The following LRRC59 variants were observed in gnomAD, a reference collection of about 807,000 sequenced individuals.
The protein encoded by LRRC59 is leucine rich repeat containing 59.
LRRC59 carries 18 observed loss-of-function variants against 33.5 expected under a neutral mutation model. The observed-to-expected ratio is 0.54, with a 90% CI of 0.37 to 0.80. The LOEUF (loss-of-function observed/expected upper bound fraction) is 0.80. LRRC59 is among the 30% of genes least tolerant of loss of function. The pLI is 0.00. For missense variants in LRRC59, 330 were observed against 391.9 expected, an observed-to-expected ratio of 0.84 and a Z score of 1.33; for synonymous variants, 138 against 160.0, an observed-to-expected ratio of 0.86 and a Z score of 1.04.
intron 4 of LRRC59, 127 bp from the exon 5 acceptor site, chr17:50,388,259 C>T: frequency 2.3e-6 from 2 of 864,740 alleles, no homozygotes. Flanking sequence ...AAGAGTTAGG[C>T]TGAATGTGGT....
At chr17:50,395,356 CAA>C (rs11405361) in intron 1 of LRRC59, among the ~76,000 whole-genome samples, 4 of 127,078 alleles carry the variant, frequency 3.1e-5, no homozygotes, top group Non-Finnish European at 3.3e-5. Flanking sequence ...GACCCCATCT[CAA>C]AAAAAAAAAA....
Position 50,388,152 on chromosome 17 carries a change from A to C in LRRC59, c.430-20T>G, listed in dbSNP as rs745460910. On this transcript the variant is annotated intron_variant, in intron 4 of 6. Transcript: ENST00000225972. ...TAACACCTGCAAAGGAAAAGGAGGA[A>C]AGTAGTGCTCTTCATAGTCATGTTT... The C allele has an allele frequency of 1.2e-6, 2 of 1,610,824 alleles. No individual in the cohort carries two copies. Among genetic ancestry groups the C allele is most frequent in the Middle Eastern group, 1.7e-4 (1 of 6,060 alleles).
chr17:50,384,241 T>C (rs1370578664), intron 6 of LRRC59, among the ~76,000 whole-genome samples: 1 of 152,110 alleles, frequency 6.6e-6, no homozygotes, highest in African/African-American at 2.4e-5. Context: ...GGGGTCTCAC[T>C]GTTGCCCAGG....
chr17:50,382,870 G>A lies in LRRC59; in HGVS notation c.*118C>T. ...AAGAGGAGGTCTCATGTACCAATCT[G>A]CAGCCATTTGATGATGGCAGGTAGG... is the stretch of plus-strand genomic sequence containing the variant. On this transcript the variant is annotated 3_prime_UTR_variant, in exon 7 of 7. Coordinates refer to ENST00000225972, the MANE Select transcript of LRRC59 (RefSeq NM_018509.4). 1 of 1,284,218 alleles carries A rather than the reference G, an allele frequency of 7.8e-7. No homozygotes were observed. Among genetic ancestry groups the A allele is most frequent in the Non-Finnish European group, 1.1e-6 (1 of 933,590 alleles). 79.6% of individuals were successfully genotyped at this position (1,284,218 alleles called of 1,614,324 possible).
chr17:50,385,050 C>G (rs2143354700), intron 6 of LRRC59, 68 bp downstream of exon 6: 1 of 1,546,182 alleles, frequency 6.5e-7, no homozygotes, highest in East Asian at 2.3e-5. Context: ...CCCCAGTTGT[C>G]TATGCCTGGA....
intron 4 of LRRC59, among the ~76,000 whole-genome samples, chr17:50,391,837 C>A (rs143961392): frequency 1.3e-5 from 2 of 152,214 alleles, no homozygotes; most frequent in Admixed American, 1.3e-4. Context: ...TGTTGCATCA[C>A]GCAAGGTCCC....
chr17:50,392,978 T>C, intron 2 of LRRC59, 81 bp from the exon 3 acceptor site: 1 of 1,346,832 alleles, frequency 7.4e-7, no homozygotes, highest in South Asian at 1.3e-5. Context: ...CAATACAAAT[T>C]TGTAACCTTT....
chr17:50,386,747 A>C (rs1914014041), intron 5 of LRRC59, among the ~76,000 whole-genome samples: 1 of 152,186 alleles, frequency 6.6e-6, no homozygotes, highest in Non-Finnish European at 1.5e-5. Context: ...GACTGCCTGT[A>C]ATCAGTACTG....
Position 50,382,775 on chromosome 17 carries a change from C to T in LRRC59, c.*213G>A. On this transcript the variant is annotated 3_prime_UTR_variant, in exon 7 of 7. Coordinates refer to ENST00000225972, the MANE Select transcript of LRRC59 (RefSeq NM_018509.4). ...GGCATGCAGGTAACTGCCCCCCACG[C>T]CCCCCCGCCACCTCCCATTTCTCCT... The T allele has an allele frequency of 3.4e-6, 2 of 581,360 alleles. No individual in the cohort carries two copies. Among genetic ancestry groups the T allele is most frequent in the Non-Finnish European group, 5.8e-6 (2 of 346,128 alleles). 36.0% of individuals were successfully genotyped at this position (581,360 alleles called of 1,614,324 possible).
In LRRC59 at chr17:50,383,175, G is replaced by C; in HGVS notation, c.737C>G (p.Ala246Gly). Residue 246 changes from alanine to glycine, a missense_variant, in exon 7 of 7, where the codon GCT becomes GGT. Physicochemically the swap from Ala to Gly is moderately conservative, Grantham distance 60. Transcript: ENST00000225972. ...CAGCAGCAGCAGCAGCTTCAGCACA[G>C]CCCAGGAACGAGTGTGCTTCCGGGG... ...PPPRKHTRSW[A>G]VLKLLLLLLL... The C allele has an allele frequency of 6.4e-7, 1 of 1,565,730 alleles. No individual in the cohort carries two copies. The highest frequency in any genetic ancestry group is 8.7e-7 in the Non-Finnish European group (1 of 1,155,038).
chr17:50,388,267 G>C, intron 4 of LRRC59, 135 bp from the exon 5 acceptor site: 1 of 786,356 alleles, frequency 1.3e-6, no homozygotes, highest in Middle Eastern at 2.3e-4. Flanking sequence ...GGCTGAATGT[G>C]GTGGCTCACG....
intron 4 of LRRC59, among the ~76,000 whole-genome samples, chr17:50,389,825 G>T (rs944605824): frequency 6.6e-6 from 1 of 152,132 alleles, no homozygotes; most frequent in Non-Finnish European, 1.5e-5. Flanking sequence ...GGCCAGGCGC[G>T]GTGGCTCACA....
At chr17:50,385,980 T>C (rs1441503125) in intron 5 of LRRC59, among the ~76,000 whole-genome samples, 1 of 152,048 alleles carries the variant, frequency 6.6e-6, no homozygotes, top group Non-Finnish European at 1.5e-5. Flanking sequence ...TCTATTGAGC[T>C]CAGGAAGTGG....
chr17:50,391,125 T>C (rs1703103575), intron 4 of LRRC59, among the ~76,000 whole-genome samples: 1 of 152,176 alleles, frequency 6.6e-6, no homozygotes, highest in East Asian at 1.9e-4. Context: ...ATGGAAAGCA[T>C]CCAGGACAAG....
chr17:50,394,880 A>T, intron 2 of LRRC59, 49 bp downstream of exon 2: 5 of 1,049,656 alleles, frequency 4.8e-6, no homozygotes, highest in Non-Finnish European at 7.1e-6. Flanking sequence ...AACAGGAAGG[A>T]GATGCATCCA....
intron 4 of LRRC59, among the ~76,000 whole-genome samples, chr17:50,390,130 A>C (rs1309490879): frequency 6.6e-6 from 1 of 151,300 alleles, no homozygotes; most frequent in Non-Finnish European, 1.5e-5. Context: ...AAAGGAAAGA[A>C]ATCAGGTCTG....
At chr17:50,388,199 C>A in intron 4 of LRRC59, 67 bp from the exon 5 acceptor site, 2 of 1,441,490 alleles carry the variant, frequency 1.4e-6, no homozygotes, top group Non-Finnish European at 2.0e-6. Flanking sequence ...TCTCAAAAAA[C>A]AGACTATTTT....
rs372901496 is a variant in LRRC59, at chr17:50,392,941, C to G, written c.166-44G>C. The stretch of plus-strand genomic sequence containing the variant: ...ACCTAAGCTAGGCTTGTCCAACACA[C>G]GAGCCACGACAGCTTTAAATGTGGC... On this transcript the variant is annotated intron_variant, in intron 2 of 6. Coordinates refer to ENST00000225972, the MANE Select transcript of LRRC59 (RefSeq NM_018509.4). 3.8e-5 allele frequency: 59 copies of G among 1,560,948 alleles called. No homozygotes were observed. The East Asian group carries it at 5.7e-4, about 15-fold the overall frequency.
rs1222094645 is a variant in LRRC59 at position 50,383,233 on chromosome 17, A to C, written c.679T>G (p.Ser227Ala). 6.4e-7 allele frequency: 1 copy of C among 1,551,256 alleles called. No individual in the cohort carries two copies. ...PKKEANQAPKSKSGSRPRKPP... is the reference protein window; with the variant it reads ...PKKEANQAPKAKSGSRPRKPP... Reference sequence around the variant, plus strand: ...TTGCGGGGACGGGAGCCAGACTTAGATTCTGGAGGAAAAGTAACAGTAGAC... The same window carrying C: ...TTGCGGGGACGGGAGCCAGACTTAGCTTCTGGAGGAAAAGTAACAGTAGAC... Residue 227 changes from serine (S) to alanine (A), a missense_variant and splice_region_variant, in exon 7 of 7, where the codon TCT becomes GCT. By Grantham distance (99) the Ser-to-Ala change is moderately conservative. Transcript: ENST00000225972.
Sources: gnomAD v4.1 joint callset for allele counts (sites outside exome capture counted in the v4.1 genomes callset) on GRCh38, gnomAD v4.1.1 for gene constraint, MANE v1.5 for transcripts, NCBI Gene and HGNC (gene_info 2026-07-23, HGNC 2026-07-21) for gene names.